DSCAM: variants seen among roughly 807,000 people sequenced by gnomAD.
The protein encoded by DSCAM is cell adhesion molecule DSCAM.
In DSCAM, 47 loss-of-function variants were observed where a neutral mutation model predicts 217.7. The observed-to-expected ratio is 0.22, with a 90% CI of 0.17 to 0.28. The LOEUF (loss-of-function observed/expected upper bound fraction) is 0.28. DSCAM is among the 10% of genes least tolerant of loss of function. The pLI is 1.00. For synonymous variants in DSCAM, 1,056 were observed against 1,015.3 expected (o/e 1.04, Z -0.76); for missense variants, 2,080 against 2,618.3 (o/e 0.79, Z 4.49).
At chr21:40,675,552 A>G (rs908535739) in intron 3 of DSCAM, among the ~76,000 whole-genome samples, 1 of 152,230 alleles carries the variant, frequency 6.6e-6, no homozygotes, top group Admixed American at 6.5e-5. Context: ...CTTCTAAGAA[A>G]GGGTTGGAGA....
chr21:40,258,728 G>T (rs566342600), intron 11 of DSCAM, among the ~76,000 whole-genome samples: 1 of 152,344 alleles, frequency 6.6e-6, no homozygotes, highest in Admixed American at 6.5e-5. Flanking sequence ...TTCCTTATTT[G>T]AAGGTGTTTC....
chr21:40,347,812 A>G lies in DSCAM; in HGVS notation c.1068T>C (p.Pro356=), dbSNP rs761419939. Residue 356 remains proline (P), a synonymous_variant, in exon 6 of 33, where the codon CCT becomes CCC. Transcript: ENST00000400454. ...TCCCTGTGATCCTCACATTTTTTCC[A>G]GGGTTGAGGATTTCACCATTGCGGT... The part of the protein sequence containing the change: ...SWYRNGEILN[P]GKNVRITGIN... 3 of 1,613,970 alleles carry G rather than the reference A, an allele frequency of 1.9e-6. No homozygotes were observed. In the East Asian group the frequency reaches 6.7e-5, roughly 36 times the overall value.
At chr21:40,100,090 G>A (rs980279782) in intron 20 of DSCAM, among the ~76,000 whole-genome samples, 2 of 152,202 alleles carry the variant, frequency 1.3e-5, no homozygotes, top group African/African-American at 4.8e-5. Flanking sequence ...GATGTCTTGA[G>A]AGAGAGAACC....
At chr21:40,837,398 T>A (rs962462860) in intron 1 of DSCAM, among the ~76,000 whole-genome samples, 1 of 152,280 alleles carries the variant, frequency 6.6e-6, no homozygotes, top group African/African-American at 2.4e-5. Context: ...TGATGAGAGT[T>A]CCTTGCCCAA....
rs1054880143 is a variant in DSCAM at position 40,783,541 on chromosome 21, T to C, written c.43+63078A>G. The stretch of plus-strand genomic sequence containing the variant: ...TTCCACTTTTGGAGAAAAGCCATTC[T>C]TTAAAAGGACTTTAATTGGGAAAGT... On this transcript the variant is annotated intron_variant, in intron 1 of 32. Coordinates refer to ENST00000400454, the MANE Select transcript of DSCAM (RefSeq NM_001389.5). Among the ~76,000 whole-genome samples the C allele has an allele frequency of 2.0e-5, 3 of 152,182 alleles. No individual in the cohort carries two copies. The East Asian group carries it at 5.8e-4, about 29-fold the overall frequency.
chr21:40,767,082 C>T (rs1005987508), intron 1 of DSCAM, among the ~76,000 whole-genome samples: 1 of 152,042 alleles, frequency 6.6e-6, no homozygotes, highest in Non-Finnish European at 1.5e-5. Context: ...AAATGTGGAA[C>T]AGGGAACAAA....
Position 40,305,757 on chromosome 21 carries a change from T to C in DSCAM, c.2062+6324A>G, listed in dbSNP as rs575845074. On this transcript the variant is annotated intron_variant, in intron 9 of 32. Coordinates refer to ENST00000400454, the MANE Select transcript of DSCAM (RefSeq NM_001389.5). ...GTCAAAGATCAGACAGTTGTAGATATGTGGCGTTATTTCTGAGGGCTCTGT... is the reference window on the plus strand; with the variant it reads ...GTCAAAGATCAGACAGTTGTAGATACGTGGCGTTATTTCTGAGGGCTCTGT... Among the ~76,000 whole-genome samples, 8 of 152,300 alleles carry C rather than the reference T, an allele frequency of 5.3e-5. No individual in the cohort carries two copies. In the East Asian group the frequency reaches 1.4e-3, roughly 26 times the overall value.
At chr21:40,255,932 G>C (rs889516211) in intron 11 of DSCAM, among the ~76,000 whole-genome samples, 1 of 152,166 alleles carries the variant, frequency 6.6e-6, no homozygotes, top group Non-Finnish European at 1.5e-5. Flanking sequence ...CGGACGCTCT[G>C]ACTTTGGCTT....
chr21:40,617,964 T>TG (rs2089427334), intron 3 of DSCAM, among the ~76,000 whole-genome samples: 2 of 152,180 alleles, frequency 1.3e-5, no homozygotes, highest in South Asian at 4.1e-4. Flanking sequence ...GCAACACACT[T>TG]GGGGCTTTTG....
In DSCAM at chr21:40,042,487, C is replaced by T; in HGVS notation, c.5570G>A (p.Ser1857Asn). 1 of 1,614,204 alleles carries T rather than the reference C, an allele frequency of 6.2e-7. No homozygotes were observed. Among genetic ancestry groups the T allele is most frequent in the Non-Finnish European group, 8.5e-7 (1 of 1,180,024 alleles). Residue 1857 changes from serine (S) to asparagine (N), a missense_variant, in exon 32 of 33, where the codon AGT (serine) becomes AAT (asparagine). Physicochemically the swap from Ser to Asn is conservative, Grantham distance 46. Around this residue, in one of 5 missense-constraint regions of DSCAM, gnomAD observed 1,144 missense variants for 1,421.1 expected, o/e 0.81. Transcript: ENST00000400454. The stretch of plus-strand genomic sequence containing the variant: ...TTCGGAAGGGGTGCTGGAGGTCAGA[C>T]TGTCCGTGTACTCATTTGTCCCTGC... Reference protein sequence around the residue: ...LTAGTNEYTDSLTSSTPSESG... With the variant: ...LTAGTNEYTDNLTSSTPSESG...
intron 15 of DSCAM, among the ~76,000 whole-genome samples, chr21:40,176,716 G>A (rs532592295): frequency 6.6e-6 from 1 of 152,216 alleles, no homozygotes; most frequent in Non-Finnish European, 1.5e-5. Flanking sequence ...TTAAAGGAGA[G>A]GGGCTGTGTG....
chr21:40,803,352 C>T (rs1470825867), intron 1 of DSCAM, among the ~76,000 whole-genome samples: 1 of 152,198 alleles, frequency 6.6e-6, no homozygotes. Flanking sequence ...CGTGAGCACA[C>T]ATATGCTACC....
At chr21:40,409,184 G>A (rs1483373321) in intron 3 of DSCAM, among the ~76,000 whole-genome samples, 1 of 152,128 alleles carries the variant, frequency 6.6e-6, no homozygotes, top group Non-Finnish European at 1.5e-5. Context: ...AGTATTGAGA[G>A]CTATGGCATT....
At chr21:40,632,195 T>C (rs944388498) in intron 3 of DSCAM, among the ~76,000 whole-genome samples, 9 of 151,966 alleles carry the variant, frequency 5.9e-5, no homozygotes, top group Admixed American at 2.0e-4. Context: ...CTGTCAGAAA[T>C]AGGAGGGCAA....
At chr21:40,053,080 G>A (rs1391211363) in intron 29 of DSCAM, among the ~76,000 whole-genome samples, 2 of 152,206 alleles carry the variant, frequency 1.3e-5, no homozygotes, top group African/African-American at 4.8e-5. Context: ...CCCTGACACT[G>A]CAACAGGGAT....
intron 3 of DSCAM, among the ~76,000 whole-genome samples, chr21:40,526,552 G>A (rs1472749430): frequency 6.6e-6 from 1 of 152,104 alleles, no homozygotes; most frequent in Non-Finnish European, 1.5e-5. Context: ...GATGGGGTGA[G>A]AGATGGCATG....
intron 3 of DSCAM, among the ~76,000 whole-genome samples, chr21:40,673,266 C>T (rs74758841): frequency 0.039 from 5,445 of 140,888 alleles, 318 homozygotes; most frequent in African/African-American, 0.13. Flanking sequence ...TCTTGTTTTA[C>T]GGTAGTAAAG....
At chr21:40,402,048 CCTTTTTTTTTTTTT>C (rs1390916626) in intron 3 of DSCAM, among the ~76,000 whole-genome samples, 1 of 100,120 alleles carries the variant, frequency 1.0e-5, no homozygotes, top group Non-Finnish European at 2.1e-5. Flanking sequence ...TATTCTTATT[CCTTTTTTTTTTTTT>C]TTTTTTTTTT....
chr21:40,406,206 C>G (rs1238070870), intron 3 of DSCAM, among the ~76,000 whole-genome samples: 1 of 152,106 alleles, frequency 6.6e-6, no homozygotes, highest in Non-Finnish European at 1.5e-5. Flanking sequence ...TGGTGGAGAA[C>G]ATAAGCTAGG....
Sources: gnomAD v4.1 joint callset for allele counts (sites outside exome capture counted in the v4.1 genomes callset) on GRCh38, gnomAD v4.1.1 for gene constraint, gnomAD v4.1.1 regional missense constraint, MANE v1.5 for transcripts, NCBI Gene and HGNC (gene_info 2026-07-23, HGNC 2026-07-21) for gene names.